The following KIAA0513 variants were observed in gnomAD, a reference collection of about 807,000 sequenced individuals.
KIAA0513 encodes the protein KIAA0513.
In KIAA0513, 39 loss-of-function variants were observed where a neutral mutation model predicts 56.5. The ratio of observed to expected loss-of-function variants is 0.69; its 90% CI spans 0.53 to 0.90. The LOEUF is 0.90. KIAA0513 is among the 40% of genes least tolerant of loss of function. The pLI, the probability that KIAA0513 is intolerant of heterozygous loss-of-function variation, is 0.00. For synonymous variants in KIAA0513, 268 were observed against 215.6 expected, an observed-to-expected ratio of 1.24 and a Z score of -2.13; for missense variants, 591 against 535.2, an observed-to-expected ratio of 1.10 and a Z score of -1.03.
At chr16:85,083,094 G>A (rs942587184) in intron 10 of KIAA0513, among the ~76,000 whole-genome samples, 11 of 152,330 alleles carry the variant, frequency 7.2e-5, no homozygotes, top group East Asian at 3.9e-4. Context: ...CCACTCTTGG[G>A]TGTCCTGGGG....
chr16:85,069,452 A>G (rs1274100114), intron 2 of KIAA0513, among the ~76,000 whole-genome samples: 1 of 152,086 alleles, frequency 6.6e-6, no homozygotes, highest in Non-Finnish European at 1.5e-5. Flanking sequence ...TGAGGGTAAA[A>G]TAAGGAGTAT....
At chr16:85,040,389 G>C (rs190522612) in intron 1 of KIAA0513, among the ~76,000 whole-genome samples, 1 of 152,116 alleles carries the variant, frequency 6.6e-6, no homozygotes, top group African/African-American at 2.4e-5. Context: ...TGTTGGCTGG[G>C]CGTGGTGGCT....
intron 1 of KIAA0513, among the ~76,000 whole-genome samples, chr16:85,056,636 C>G (rs767283864): frequency 4.6e-5 from 7 of 152,136 alleles, no homozygotes; most frequent in South Asian, 4.1e-4. Flanking sequence ...CCGCGCTCGC[C>G]GAGAGCCCTT....
In KIAA0513 at chr16:85,052,252, G is replaced by T. The variant is rs558224343; in HGVS notation, c.-172-14648G>T. 3.9e-5 allele frequency among the ~76,000 whole-genome samples: 6 copies of T among 152,136 alleles called. No homozygotes were observed. In the East Asian group the frequency reaches 1.2e-3, roughly 30 times the overall value. On this transcript the variant is annotated intron_variant, in intron 1 of 12. Transcript: ENST00000683363. ...GGAGAATCGCTTGAACCCTGGAGGT[G>T]GAGGTTGCAGTGAGCTGAGATCACG...
chr16:85,077,028 C>G (rs891115141), intron 5 of KIAA0513, among the ~76,000 whole-genome samples: 2 of 152,156 alleles, frequency 1.3e-5, no homozygotes, highest in South Asian at 2.1e-4. Flanking sequence ...CTCCAGGCCC[C>G]CCCCCAACCC....
At chr16:85,039,523 T>C (rs1416813186) in intron 1 of KIAA0513, among the ~76,000 whole-genome samples, 1 of 152,148 alleles carries the variant, frequency 6.6e-6, no homozygotes, top group Admixed American at 6.5e-5. Flanking sequence ...ATGCTGGTCT[T>C]GAATTCCTGG....
chr16:85,077,808 C>T (rs574153231), intron 6 of KIAA0513, among the ~76,000 whole-genome samples, 176 bp downstream of exon 6: 5 of 152,158 alleles, frequency 3.3e-5, no homozygotes, highest in Non-Finnish European at 4.4e-5. Flanking sequence ...CCAAGCCCCC[C>T]CCACTGACAT....
In KIAA0513 at chr16:85,076,716, G is replaced by T. The variant is rs575689084; in HGVS notation, c.575-709G>T. The stretch of plus-strand genomic sequence containing the variant: ...CATGGCTGGTGTCCCAGCCTCACCA[G>T]TGGGCAGGCCCTTCCTGCCAGGCCA... On this transcript the variant is annotated intron_variant, in intron 5 of 12. Coordinates refer to ENST00000683363, the MANE Select transcript of KIAA0513 (RefSeq NM_001388359.1). This position sits in a 1 kb window ranked among gnomAD's most constrained non-coding sequence, Gnocchi z 4.7. 7.5e-4 allele frequency among the ~76,000 whole-genome samples: 114 copies of T among 152,302 alleles called. No homozygotes were observed. Among genetic ancestry groups the T allele is most frequent in the Admixed American group, 1.6e-3 (24 of 15,300 alleles).
At chr16:85,065,250 C>T (rs1485084825) in intron 1 of KIAA0513, among the ~76,000 whole-genome samples, 1 of 152,174 alleles carries the variant, frequency 6.6e-6, no homozygotes, top group African/African-American at 2.4e-5. Context: ...CTTGATGCCT[C>T]GGCCAGGGGG....
At chr16:85,059,563 C>CG (rs2073375236) in intron 1 of KIAA0513, among the ~76,000 whole-genome samples, 1 of 152,316 alleles carries the variant, frequency 6.6e-6, no homozygotes, top group East Asian at 1.9e-4. Context: ...AGGTGGTCCC[C>CG]GCACACACCC....
intron 1 of KIAA0513, 68 bp from the exon 2 acceptor site, chr16:85,066,832 G>C (rs888472813): frequency 4.5e-6 from 2 of 441,068 alleles, no homozygotes; most frequent in Non-Finnish European, 8.0e-6. Context: ...TTTCTGGGGA[G>C]TCTGTGATCT....
In KIAA0513 at chr16:85,093,575, C is replaced by G. The variant is rs2073892273; in HGVS notation, c.*5250C>G. The G allele has an allele frequency of 6.6e-6, 1 of 152,616 alleles. No individual in the cohort carries two copies. Among genetic ancestry groups the G allele is most frequent in the Non-Finnish European group, 1.5e-5 (1 of 68,076 alleles). 9.5% of individuals were successfully genotyped at this position (152,616 alleles called of 1,614,324 possible). A position where few individuals can be genotyped will look rare whatever the true frequency, so the allele number is the denominator to read the frequency against. On this transcript the variant is annotated 3_prime_UTR_variant, in exon 13 of 13. Transcript: ENST00000683363. ...AACTGGGGGGCTGCGCCCGCTCCCT[C>G]CTTAATCCTAGATGATTTGCTCATG...
At chr16:85,037,683 T>C (rs770695241) in intron 1 of KIAA0513, among the ~76,000 whole-genome samples, 14 of 152,200 alleles carry the variant, frequency 9.2e-5, no homozygotes, top group Non-Finnish European at 1.5e-4. Context: ...ACATCACTCC[T>C]AGAATCCCAA....
intron 1 of KIAA0513, among the ~76,000 whole-genome samples, chr16:85,055,916 G>A (rs1169983838): frequency 6.6e-6 from 1 of 152,148 alleles, no homozygotes; most frequent in Non-Finnish European, 1.5e-5. Context: ...ACTCTAAGCT[G>A]GTGCTTGGGT....
intron 8 of KIAA0513, among the ~76,000 whole-genome samples, chr16:85,080,481 A>C (rs1006543473): frequency 2.0e-5 from 3 of 152,164 alleles, no homozygotes; most frequent in African/African-American, 7.2e-5. Context: ...ATCGTTTGCC[A>C]ACCCCTGATG....
Position 85,088,486 on chromosome 16 carries a change from C to G in KIAA0513, c.*161C>G. On this transcript the variant is annotated 3_prime_UTR_variant, in exon 13 of 13. Coordinates refer to ENST00000683363, the MANE Select transcript of KIAA0513 (RefSeq NM_001388359.1). ...GCGGTTAGAAGAATCCGCTGTTCCT[C>G]CCTCATCTCCTCTGCCTGTGTCTGC... 1 of 622,360 alleles carries G rather than the reference C, an allele frequency of 1.6e-6. No individual in the cohort carries two copies. Among genetic ancestry groups the G allele is most frequent in the Non-Finnish European group, 2.9e-6 (1 of 348,314 alleles). The allele number at this position is 622,360 out of a possible 1,614,324, so 38.6% of individuals were successfully genotyped here. A position where few individuals can be genotyped will look rare whatever the true frequency, so the allele number is the denominator to read the frequency against.
At chr16:85,054,959 G>T (rs1044642746) in intron 1 of KIAA0513, among the ~76,000 whole-genome samples, 3 of 152,084 alleles carry the variant, frequency 2.0e-5, no homozygotes, top group Non-Finnish European at 4.4e-5. Context: ...GTCTCTCTCT[G>T]TTACAAAGGC....
At chr16:85,068,481 C>T (rs890752704) in intron 2 of KIAA0513, among the ~76,000 whole-genome samples, 9 of 152,008 alleles carry the variant, frequency 5.9e-5, no homozygotes, top group African/African-American at 1.4e-4. Context: ...TACAGGTGCC[C>T]GCCACCACAC....
At chr16:85,050,323 TGA>T (rs2143916059) in intron 1 of KIAA0513, among the ~76,000 whole-genome samples, 1 of 138,554 alleles carries the variant, frequency 7.2e-6, no homozygotes, top group South Asian at 2.5e-4. Context: ...AGCTGTTGAT[TGA>T]TATTTATTTA....
Sources: gnomAD v4.1 joint callset for allele counts (sites outside exome capture counted in the v4.1 genomes callset) on GRCh38, gnomAD v4.1.1 for gene constraint, Gnocchi (gnomAD v3.1) non-coding constraint, MANE v1.5 for transcripts, NCBI Gene and HGNC (gene_info 2026-07-23, HGNC 2026-07-21) for gene names.